Variants in DYRK1A observed in about 807,000 individuals in gnomAD.
The protein encoded by DYRK1A is dual specificity tyrosine-phosphorylation-regulated kinase 1A.
A neutral mutation model predicts 79.7 loss-of-function variants in DYRK1A; 9 were observed. That is an observed-to-expected ratio of 0.11 (90% CI 0.07 to 0.20). The LOEUF (loss-of-function observed/expected upper bound fraction) is 0.20. Ranked by LOEUF, DYRK1A falls within the 10% of genes least tolerant of loss-of-function variation. The pLI, the probability that DYRK1A is intolerant of heterozygous loss-of-function variation, is 1.00. For missense variants in DYRK1A, 622 were observed against 956.0 expected, an observed-to-expected ratio of 0.65 and a Z score of 4.61; for synonymous variants, 349 against 329.7, an observed-to-expected ratio of 1.06 and a Z score of -0.63.
intron 1 of DYRK1A, chr21:37,367,958 C>CTCCTCTTCCTCCTCATCCTCT: frequency 6.2e-6 from 1 of 161,830 alleles, no homozygotes. Flanking sequence ...CCTCCTCCTC[C>CTCCTCTTCCTCCTCATCCTCT]TCCTCTTCCT....
chr21:37,475,062 G>C (rs534495545), intron 3 of DYRK1A, among the ~76,000 whole-genome samples: 71 of 152,074 alleles, frequency 4.7e-4, no homozygotes, highest in Non-Finnish European at 8.8e-4. Context: ...AATCTTTTCA[G>C]GACAAAAGTT....
intron 2 of DYRK1A, among the ~76,000 whole-genome samples, chr21:37,429,914 T>A (rs998639731): frequency 1.3e-5 from 2 of 152,248 alleles, no homozygotes; most frequent in African/African-American, 4.8e-5. Context: ...CTCCATGATT[T>A]TTAATACATT....
chr21:37,468,242 A>G (rs529771357), intron 2 of DYRK1A, among the ~76,000 whole-genome samples: 16 of 151,916 alleles, frequency 1.1e-4, no homozygotes, highest in Admixed American at 9.8e-4. Context: ...CTCCTGAGTA[A>G]TTGGAACTAC....
chr21:37,524,635 G>C lies in DYRK1A; in HGVS notation c.*12104G>C, dbSNP rs1002421502. 23 of 152,194 alleles carry C rather than the reference G, an allele frequency of 1.5e-4. No homozygotes were observed. Among genetic ancestry groups the C allele is most frequent in the Admixed American group, 5.2e-4 (8 of 15,286 alleles). The allele number at this position is 152,194 out of a possible 1,614,324, so 9.4% of individuals were successfully genotyped here. ...TCAGTAGTCGACTAAAAAGGCAAAT[G>C]GTTTTGAGTGGTTTCCCCTGACTCT... On this transcript the variant is annotated 3_prime_UTR_variant, in exon 12 of 12. Transcript: ENST00000647188.
At chr21:37,487,762 A>G (rs1444256717) in intron 6 of DYRK1A, 1 of 152,212 alleles carries the variant, frequency 6.6e-6, no homozygotes, top group Non-Finnish European at 1.5e-5. Flanking sequence ...CATTATTAAA[A>G]TATAAAATGA....
At chr21:37,472,347 A>G (rs561501061) in intron 2 of DYRK1A, among the ~76,000 whole-genome samples, 16 of 152,334 alleles carry the variant, frequency 1.1e-4, no homozygotes, top group African/African-American at 3.6e-4. Context: ...AAGTCCCTCA[A>G]TAATTAAAAG....
chr21:37,492,419 T>G (rs1472026519), intron 7 of DYRK1A, among the ~76,000 whole-genome samples: 1 of 152,244 alleles, frequency 6.6e-6, no homozygotes, highest in Non-Finnish European at 1.5e-5. Context: ...ATTGTCTTTC[T>G]ATAAGAAGTC....
intron 3 of DYRK1A, among the ~76,000 whole-genome samples, chr21:37,477,776 A>G (rs1297216440): frequency 1.3e-5 from 2 of 152,168 alleles, no homozygotes; most frequent in Non-Finnish European, 2.9e-5. Flanking sequence ...AAGGAAGCTG[A>G]AAGTTGCCTC....
intron 5 of DYRK1A, among the ~76,000 whole-genome samples, chr21:37,484,374 G>A (rs576461447): frequency 3.3e-5 from 5 of 150,300 alleles, no homozygotes; most frequent in Admixed American, 2.0e-4. Context: ...TGTTGCCCAG[G>A]CTGGAGTGCA....
At chr21:37,383,795 A>C (rs2148374390) in intron 1 of DYRK1A, among the ~76,000 whole-genome samples, 1 of 152,026 alleles carries the variant, frequency 6.6e-6, no homozygotes, top group South Asian at 2.1e-4. Context: ...GATAAATGCC[A>C]TGAAAAAAAT....
At chr21:37,509,802 C>T (rs565761882) in intron 11 of DYRK1A, among the ~76,000 whole-genome samples, 107 of 152,304 alleles carry the variant, frequency 7.0e-4, no homozygotes, top group African/African-American at 2.5e-3. Context: ...AATAAATAAC[C>T]CTGTACGGTA....
chr21:37,476,762 A>C (rs1213461029), intron 3 of DYRK1A, among the ~76,000 whole-genome samples: 6 of 149,950 alleles, frequency 4.0e-5, no homozygotes, highest in Non-Finnish European at 4.4e-5. Context: ...ATTAAATCAG[A>C]TCATCTTCTT....
At chr21:37,500,258 C>A (rs951988529) in intron 9 of DYRK1A, among the ~76,000 whole-genome samples, 1 of 151,866 alleles carries the variant, frequency 6.6e-6, no homozygotes, top group East Asian at 1.9e-4. Context: ...TATGATTTTT[C>A]TCCTGTTTTG....
rs544922104 is a variant in DYRK1A, at chr21:37,473,665, G to GTCTTTTAAT, written c.207+785_207+786insTCTTTTAAT. ...TAGGTCTTTTAATATATTGTGTGAG[G>GTCTTTTAAT]ATAAAAGAGTTGGGAGATTTAAAAG... On this transcript the variant is annotated intron_variant, in intron 3 of 11. Transcript: ENST00000647188. Among the ~76,000 whole-genome samples, 93 of 152,224 alleles carry GTCTTTTAAT rather than the reference G, an allele frequency of 6.1e-4. 2 individuals carry two copies. In the South Asian group the frequency reaches 0.019, roughly 31 times the overall value.
chr21:37,460,331 A>G (rs972300642), intron 2 of DYRK1A, among the ~76,000 whole-genome samples: 1 of 152,176 alleles, frequency 6.6e-6, no homozygotes, highest in Non-Finnish European at 1.5e-5. Context: ...GGCAGCAGAT[A>G]CTTAGAGAGC....
intron 7 of DYRK1A, among the ~76,000 whole-genome samples, chr21:37,490,924 G>A (rs2053071166): frequency 6.6e-6 from 1 of 152,060 alleles, no homozygotes; most frequent in East Asian, 1.9e-4. Flanking sequence ...GGACTTTCCA[G>A]TACTAGAACA....
intron 1 of DYRK1A, among the ~76,000 whole-genome samples, chr21:37,379,936 C>A (rs1206177860): frequency 6.6e-6 from 1 of 152,214 alleles, no homozygotes; most frequent in Non-Finnish European, 1.5e-5. Context: ...ACTCCTGTCC[C>A]TGCTATCACG....
At chr21:37,506,451 G>C in intron 11 of DYRK1A, 1 of 1,343,994 alleles carries the variant, frequency 7.4e-7, no homozygotes, top group Non-Finnish European at 9.9e-7. Context: ...TTGTTGTTTT[G>C]AACAGTTTTT....
intron 1 of DYRK1A, among the ~76,000 whole-genome samples, chr21:37,395,072 T>C (rs2049936552): frequency 6.6e-6 from 1 of 152,200 alleles, no homozygotes; most frequent in African/African-American, 2.4e-5. Context: ...CTGGATTGTT[T>C]CATCCATTTA....
Sources: allele counts gnomAD v4.1 joint callset (sites outside exome capture counted in the v4.1 genomes callset), GRCh38; gene constraint gnomAD v4.1.1; transcripts MANE v1.5; gene names NCBI Gene and HGNC (gene_info 2026-07-23, HGNC 2026-07-21).